MED12: variants seen among roughly 807,000 people sequenced by gnomAD.
The protein encoded by MED12 is mediator complex subunit 12.
MED12 carries 10 observed loss-of-function variants against 177.7 expected under a neutral mutation model. That is an observed-to-expected ratio of 0.06 (90% CI 0.03 to 0.10). The LOEUF (loss-of-function observed/expected upper bound fraction) is 0.10. MED12 is among the 10% of genes least tolerant of loss of function. The probability of loss-of-function intolerance (pLI) is 1.00; values close to 1 mark genes in which losing one functional copy is unlikely to be tolerated. For synonymous variants in MED12, 641 were observed against 678.4 expected (o/e 0.94, Z 0.86); for missense variants, 867 against 1,780.8 (o/e 0.49, Z 9.23).
rs981968954 is a variant in MED12, at chrX:71,121,109, G to A, written c.692G>A (p.Arg231Gln). 5.8e-6 allele frequency: 7 copies of A among 1,208,757 alleles called. No homozygotes were observed. The highest frequency in any genetic ancestry group is 3.5e-5 in the African/African-American group (2 of 56,678). The change falls in exon 5 of 45, where the codon CGG becomes CAG. Residue 231 changes from arginine (R) to glutamine (Q), a missense_variant. By Grantham distance (43) the Arg-to-Gln change is conservative (BLOSUM62 1). Transcript: ENST00000374080. ...CCCCATGATGTAGAGGTGGCAATCCGGCAGTGGGATTACACCGAGAAGCTG... is the reference window on the plus strand; with the variant it reads ...CCCCATGATGTAGAGGTGGCAATCCAGCAGTGGGATTACACCGAGAAGCTG... Reference protein sequence around the residue: ...PLPHDVEVAIRQWDYTEKLAM... With the variant: ...PLPHDVEVAIQQWDYTEKLAM...
At chrX:71,126,547 G>A (rs899169908) in intron 19 of MED12, 63 bp downstream of exon 19, 68 of 1,165,635 alleles carry the variant, frequency 5.8e-5, no homozygotes, top group Non-Finnish European at 7.8e-5. Flanking sequence ...GCTACGGAGG[G>A]TCATAAGGAC....
chrX:71,138,393 C>T (rs2147832384), intron 41 of MED12, among the ~76,000 whole-genome samples: 1 of 110,490 alleles, frequency 9.1e-6, no homozygotes, highest in African/African-American at 3.3e-5. Context: ...GTGGCATGAT[C>T]ATGGCTCACT....
At chrX:71,134,592 A>G in intron 34 of MED12, 121 bp from the exon 35 acceptor site, 1 of 1,037,489 alleles carries the variant, frequency 9.6e-7, no homozygotes, top group Admixed American at 2.2e-5. Context: ...GGCTCCCCAT[A>G]CAGTTTTGGT....
At chrX:71,123,454 A>G in intron 11 of MED12, 140 bp from the exon 12 acceptor site, 2 of 817,723 alleles carry the variant, frequency 2.4e-6, no homozygotes, top group South Asian at 4.4e-5. Context: ...GGGAGGTGGT[A>G]AAGAACATGG....
chrX:71,122,265 G>A lies in MED12; in HGVS notation c.1167G>A (p.Lys389=), dbSNP rs374324656. The change falls in exon 8 of 45, where the codon AAG becomes AAA. Residue 389 remains lysine (K), a synonymous_variant. Transcript: ENST00000374080. The part of the protein sequence containing the change: ...WHYSLTDSRI[K]TGSPLDHLPI... Reference sequence around the variant, plus strand: ...ACTCACTGACTGATAGCAGAATTAAGACCGGCTCACCACTTGACCACTTGC... The same window carrying A: ...ACTCACTGACTGATAGCAGAATTAAAACCGGCTCACCACTTGACCACTTGC... 190 of 1,209,980 alleles carry A rather than the reference G, an allele frequency of 1.6e-4. 1 individual carries two copies. The highest frequency in any genetic ancestry group is 9.1e-4 in the Middle Eastern group (4 of 4,373).
rs750648216 is a variant in MED12 at position 71,140,669 on chromosome X, A to G, written c.6079A>G (p.Ile2027Val). ...SHQTLQQTPM[I>V]STMTPMSAQG... The stretch of plus-strand genomic sequence containing the variant: ...CCAGACACTGCAGCAGACACCCATG[A>G]TAAGTACCATGACTCCAATGAGTGC... The change falls in exon 42 of 45, where the codon ATA becomes GTA. Residue 2027 changes from isoleucine (I) to valine (V), a missense_variant. Around this residue, in one of 14 missense-constraint regions of MED12, gnomAD observed 236 missense variants for 345.2 expected, o/e 0.68. Transcript: ENST00000374080. The G allele has an allele frequency of 1.3e-5, 16 of 1,208,233 alleles. No homozygotes were observed. Among genetic ancestry groups the G allele is most frequent in the African/African-American group, 1.8e-5 (1 of 56,576 alleles).
Position 71,133,609 on chromosome X carries a change from C to T in MED12, c.4617+397C>T, listed in dbSNP as rs752083560. 2.7e-4 allele frequency among the ~76,000 whole-genome samples: 30 copies of T among 110,697 alleles called. No homozygotes were observed. The East Asian group carries it at 8.5e-3, about 31-fold the overall frequency. On this transcript the variant is annotated intron_variant, in intron 33 of 44. Transcript: ENST00000374080. ...TCGGCCTCCCAAAGTGCTGGGATTA[C>T]AGGCATGAGCCACCGTGCCCAGCCT... is the stretch of plus-strand genomic sequence containing the variant.
At position 71,122,193 on chromosome X, in the gene MED12, C is replaced by T. The variant is rs1383459133; in HGVS notation, c.1102-7C>T. 5 of 1,211,679 alleles carry T rather than the reference C, an allele frequency of 4.1e-6. No homozygotes were observed. In the South Asian group the frequency reaches 8.8e-5, roughly 21 times the overall value. On this transcript the variant is annotated splice_region_variant and splice_polypyrimidine_tract_variant and intron_variant, in intron 7 of 44. Coordinates refer to ENST00000374080, the MANE Select transcript of MED12 (RefSeq NM_005120.3). ...ATGAGTTGGACTTAGCTGTTTCTATCTGGTAGACCATCCTCCTGTGCTGTC... is the reference window on the plus strand; with the variant it reads ...ATGAGTTGGACTTAGCTGTTTCTATTTGGTAGACCATCCTCCTGTGCTGTC...
intron 28 of MED12, among the ~76,000 whole-genome samples, chrX:71,130,954 C>T (rs1170481754): frequency 8.9e-6 from 1 of 112,096 alleles, no homozygotes; most frequent in Admixed American, 9.4e-5. Flanking sequence ...GGACTTTGAG[C>T]AGCTGGTCTA....
At chrX:71,141,207 A>T (rs758931130) in intron 42 of MED12, 23 bp from the exon 43 acceptor site, 1 of 1,164,063 alleles carries the variant, frequency 8.6e-7, no homozygotes, top group African/African-American at 1.8e-5. Context: ...GCTCCTTCTG[A>T]AGTATCTTTT....
In MED12 at chrX:71,136,460, C is replaced by T. The variant is rs747836622; in HGVS notation, c.5205C>T (p.Arg1735=). ...ACACACACCTGAGGCCCCGGCCCCG[C>T]GCCTATTACCTGGAGCCACTGCCAC... The part of the protein sequence containing the change: ...LYHTHLRPRP[R]AYYLEPLPLP... The change falls in exon 37 of 45, where the codon CGC becomes CGT. Residue 1735 remains arginine, a synonymous_variant. Transcript: ENST00000374080. 20 of 1,207,164 alleles carry T rather than the reference C, an allele frequency of 1.7e-5. No individual in the cohort carries two copies. Among genetic ancestry groups the T allele is most frequent in the African/African-American group, 1.1e-4 (6 of 56,781 alleles).
rs1304464082 is a variant in MED12 at position 71,129,336 on chromosome X, C to T, written c.3598C>T (p.Arg1200Cys). The T allele has an allele frequency of 1.7e-6, 2 of 1,206,867 alleles. No homozygotes were observed. The highest frequency in any genetic ancestry group is 1.1e-6 in the Non-Finnish European group (1 of 891,094). Residue 1200 changes from arginine (R) to cysteine (C), a missense_variant, in exon 26 of 45, where the codon CGC becomes TGC. By Grantham distance (180) the Arg-to-Cys change is radical. Around this residue, in one of 14 missense-constraint regions of MED12, gnomAD observed 21 missense variants for 35.5 expected, o/e 0.59. Coordinates refer to ENST00000374080, the MANE Select transcript of MED12 (RefSeq NM_005120.3). ...SDGNKPTVGI[R>C]SSCDRHLLAA... ...CCCAGACAAGCCTACAGTAGGAATC[C>T]GCTCCTCCTGCGACCGCCACCTGCT...
At chrX:71,129,272 G>A (rs191865422) in intron 25 of MED12, 44 bp from the exon 26 acceptor site, 9 of 1,168,896 alleles carry the variant, frequency 7.7e-6, no homozygotes, top group African/African-American at 3.5e-5. Context: ...CCCTGCCTCC[G>A]TGGATTCTAC....
intron 4 of MED12, 24 bp downstream of exon 4, chrX:71,120,194 G>A (rs775127633): frequency 8.3e-7 from 1 of 1,200,857 alleles, no homozygotes. Flanking sequence ...AACACCAGGT[G>A]TACTGCTGAT....
At chrX:71,131,863 G>A (rs769500426) in intron 29 of MED12, among the ~76,000 whole-genome samples, 27 of 111,244 alleles carry the variant, frequency 2.4e-4, no homozygotes, top group African/African-American at 7.9e-4. Context: ...GGCCATAGAT[G>A]TAAGGAGGTA....
In MED12 at chrX:71,121,753, T is replaced by C. The variant is rs766874065; in HGVS notation, c.1038T>C (p.Phe346=). The change falls in exon 7 of 45, where the codon TTT becomes TTC. Residue 346 remains phenylalanine, a synonymous_variant. Coordinates refer to ENST00000374080, the MANE Select transcript of MED12 (RefSeq NM_005120.3). ...CTAGCAGCACACCCTCGACTCCCTT[T>C]AGTGACCTGCTTATGTGCCCTCAGC... ...PPTSSTPSTP[F]SDLLMCPQHR... 1 of 1,211,546 alleles carries C rather than the reference T, an allele frequency of 8.3e-7. No homozygotes were observed. Among genetic ancestry groups the C allele is most frequent in the South Asian group, 1.8e-5 (1 of 56,956 alleles).
At chrX:71,133,406 T>G (rs1298073403) in intron 33 of MED12, among the ~76,000 whole-genome samples, 194 bp downstream of exon 33, 3 of 107,598 alleles carry the variant, frequency 2.8e-5, no homozygotes, top group Non-Finnish European at 5.8e-5. Flanking sequence ...CCATCTCAGC[T>G]CACTGCAACC....
At chrX:71,123,522 T>C in intron 11 of MED12, 72 bp from the exon 12 acceptor site, 3 of 1,160,411 alleles carry the variant, frequency 2.6e-6, no homozygotes, top group Non-Finnish European at 3.5e-6. Context: ...AGGTGGTAGT[T>C]TAAGGCCTAC....
intron 41 of MED12, among the ~76,000 whole-genome samples, chrX:71,140,083 T>TC (rs1476738446): frequency 1.0e-4 from 10 of 96,679 alleles, no homozygotes; most frequent in Non-Finnish European, 1.7e-4. Flanking sequence ...TTTCTTTCTT[T>TC]TTTTTTTTTT....
Sources: gnomAD v4.1 joint callset for allele counts (sites outside exome capture counted in the v4.1 genomes callset) on GRCh38, gnomAD v4.1.1 for gene constraint, gnomAD v4.1.1 regional missense constraint, MANE v1.5 for transcripts, NCBI Gene and HGNC (gene_info 2026-07-23, HGNC 2026-07-21) for gene names.